The following OR56A3 variants were observed in gnomAD, a reference collection of about 807,000 sequenced individuals.
OR56A3 encodes olfactory receptor 56A3.
Under a neutral mutation model 17.5 loss-of-function variants are expected in OR56A3, and 23 were observed. The observed-to-expected ratio is 1.32, with a 90% CI of 0.95 to 1.87. The LOEUF (loss-of-function observed/expected upper bound fraction) is 1.87, where lower values mean the gene tolerates loss of function less well. Ranked by LOEUF, OR56A3 falls within the 40% of genes most tolerant of loss-of-function variation. The pLI, the probability that OR56A3 is intolerant of heterozygous loss-of-function variation, is 0.00. For missense variants in OR56A3, 366 were observed against 380.1 expected (o/e 0.96, Z 0.31); for synonymous variants, 175 against 150.6 (o/e 1.16, Z -1.19).
the OR56A3 span, among the ~76,000 whole-genome samples, chr11:5,963,081 C>CT: frequency 6.6e-6 from 1 of 151,962 alleles, no homozygotes; most frequent in Admixed American, 6.6e-5. Context: ...AGTCTTTTCT[C>CT]TTTTTTCTTA....
chr11:5,984,377 G>C, the OR56A3 span, among the ~76,000 whole-genome samples: 5 of 152,188 alleles, frequency 3.3e-5, no homozygotes, highest in African/African-American at 1.2e-4. Context: ...CCCAGATACA[G>C]GTTTATTTCT....
chr11:6,007,918 T>G, the OR56A3 span, among the ~76,000 whole-genome samples: 2 of 152,224 alleles, frequency 1.3e-5, no homozygotes, highest in Non-Finnish European at 2.9e-5. Context: ...TTCATGCTCA[T>G]GGTGTCATGT....
the OR56A3 span, chr11:5,967,825 T>C: frequency 3.0e-4 from 476 of 1,565,686 alleles, 1 homozygote; most frequent in Middle Eastern, 3.0e-3. Context: ...GTTTTCAAGA[T>C]AAAAAAGTAA....
chr11:5,986,445 G>C, the OR56A3 span: 1 of 1,613,816 alleles, frequency 6.2e-7, no homozygotes, highest in Non-Finnish European at 8.5e-7. Flanking sequence ...CCACCATTCC[G>C]ATGCGCCCTA....
chr11:5,947,454 C>T lies in OR56A3; in HGVS notation c.108C>T (p.Ser36=). 6.2e-7 allele frequency: 1 copy of T among 1,614,234 alleles called. No homozygotes were observed. The highest frequency in any genetic ancestry group is 8.5e-7 in the Non-Finnish European group (1 of 1,180,040). ...AGCACTGGCTGTCCCTGCCCCTCAG[C>T]CTCCTTTTCCTCTTGGCCGTAGGGG... ...SWQHWLSLPL[S]LLFLLAVGAN... Residue 36 remains serine, a synonymous_variant, in exon 3 of 3, where the codon AGC becomes AGT. Coordinates refer to ENST00000641160, the MANE Select transcript of OR56A3 (RefSeq NM_001003443.3).
chr11:6,000,655 T>C, the OR56A3 span: 3 of 151,778 alleles, frequency 2.0e-5, no homozygotes, highest in East Asian at 5.8e-4. Context: ...AAAGATGGGG[T>C]TTGGCAAATG....
chr11:5,965,558 A>G, the OR56A3 span, among the ~76,000 whole-genome samples: 1 of 152,226 alleles, frequency 6.6e-6, no homozygotes, highest in Non-Finnish European at 1.5e-5. Flanking sequence ...TTTCCCTAAG[A>G]AGGGAAAATA....
At chr11:6,001,487 T>A in the OR56A3 span, 5 of 152,196 alleles carry the variant, frequency 3.3e-5, no homozygotes, top group African/African-American at 1.2e-4. Context: ...TCTAGGAGAA[T>A]TTTAGGAGCC....
Position 5,947,563 on chromosome 11 carries a change from C to T in OR56A3, c.217C>T (p.Leu73=), listed in dbSNP as rs1476810518. ...CTACCTGCTCAGCCTCCTCTCCCTG[C>T]TGGACATCGTGCTCTGCCTCACTGT... The part of the protein sequence containing the change: ...LYYLLSLLSL[L]DIVLCLTVIP... Residue 73 remains leucine, a synonymous_variant, in exon 3 of 3, where the codon CTG becomes TTG. Transcript: ENST00000641160. 14 of 1,614,176 alleles carry T rather than the reference C, an allele frequency of 8.7e-6. No homozygotes were observed. Among genetic ancestry groups the T allele is most frequent in the Non-Finnish European group, 1.1e-5 (13 of 1,180,038 alleles).
chr11:5,985,959 C>T, the OR56A3 span: 1 of 1,608,028 alleles, frequency 6.2e-7, no homozygotes, highest in South Asian at 1.1e-5. Context: ...TTTGTGTAAA[C>T]ACTCTGAGCA....
At chr11:6,003,189 A>G in the OR56A3 span, 1 of 1,321,646 alleles carries the variant, frequency 7.6e-7, no homozygotes, top group Non-Finnish European at 1.0e-6. Context: ...TATGCCAGCC[A>G]CAATGTTTTA....
the OR56A3 span, chr11:5,994,984 C>T: frequency 3.5e-5 from 24 of 687,964 alleles, no homozygotes; most frequent in African/African-American, 4.3e-4. Context: ...GGCGCCCGGA[C>T]CCCAAGCCAC....
the OR56A3 span, among the ~76,000 whole-genome samples, chr11:5,992,393 G>A: frequency 6.6e-6 from 1 of 152,200 alleles, no homozygotes; most frequent in Non-Finnish European, 1.5e-5. Flanking sequence ...AGCTTGAGAG[G>A]TCCCACTGGG....
the OR56A3 span, among the ~76,000 whole-genome samples, chr11:5,996,040 C>T: frequency 3.9e-5 from 6 of 152,094 alleles, no homozygotes; most frequent in African/African-American, 1.4e-4. Context: ...CAGGCTCATC[C>T]ATACTATAGC....
chr11:6,005,524 T>A, the OR56A3 span, among the ~76,000 whole-genome samples: 2 of 152,160 alleles, frequency 1.3e-5, no homozygotes, highest in Non-Finnish European at 2.9e-5. Flanking sequence ...TTGTAGGAAA[T>A]CACAGAATAT....
At chr11:5,972,635 G>A in the OR56A3 span, among the ~76,000 whole-genome samples, 1 of 152,046 alleles carries the variant, frequency 6.6e-6, no homozygotes, top group African/African-American at 2.4e-5. Context: ...TGGGATACTG[G>A]GACCCAGCAG....
chr11:6,004,227 C>A, the OR56A3 span, among the ~76,000 whole-genome samples: 1 of 152,116 alleles, frequency 6.6e-6, no homozygotes, highest in Non-Finnish European at 1.5e-5. Context: ...TGGTGCATGC[C>A]TGTAATCCCA....
the OR56A3 span, among the ~76,000 whole-genome samples, chr11:6,009,914 T>C: frequency 2.0e-5 from 3 of 152,190 alleles, no homozygotes; most frequent in Admixed American, 6.5e-5. Flanking sequence ...CTATTTCCCA[T>C]TCCATTCTGT....
Position 5,946,830 on chromosome 11 carries a change from G to T in OR56A3, c.-36-481G>T, listed in dbSNP as rs556446479. 3.9e-5 allele frequency among the ~76,000 whole-genome samples: 6 copies of T among 152,324 alleles called. No homozygotes were observed. In the East Asian group the frequency reaches 1.2e-3, roughly 29 times the overall value. ...CAAAATAAGTGCAGCAGAAAGGTTA[G>T]AATAAGGATGTCATGGGGACATGGG... On this transcript the variant is annotated intron_variant, in intron 2 of 2. Coordinates refer to ENST00000641160, the MANE Select transcript of OR56A3 (RefSeq NM_001003443.3).
Sources: allele counts gnomAD v4.1 joint callset (sites outside exome capture counted in the v4.1 genomes callset), GRCh38; gene constraint gnomAD v4.1.1; transcripts MANE v1.5; gene names NCBI Gene and HGNC (gene_info 2026-07-23, HGNC 2026-07-21).